ANKRD42: variants seen among roughly 807,000 people sequenced by gnomAD.
ANKRD42 encodes ankyrin repeat domain 42.
In ANKRD42, 43 loss-of-function variants were observed where a neutral mutation model predicts 51.5. The observed-to-expected ratio is 0.83, with a 90% CI of 0.65 to 1.08. ANKRD42 has a LOEUF of 1.08. Ranked by LOEUF, ANKRD42 falls within the 50% of genes least tolerant of loss-of-function variation. The probability of loss-of-function intolerance (pLI) is 0.00; values close to 1 mark genes in which losing one functional copy is unlikely to be tolerated. For missense variants in ANKRD42, 608 were observed against 629.3 expected, an observed-to-expected ratio of 0.97 and a Z score of 0.36; for synonymous variants, 203 against 213.0, an observed-to-expected ratio of 0.95 and a Z score of 0.41.
intron 5 of ANKRD42, 31 bp downstream of exon 5, chr11:83,211,461 T>A: frequency 2.5e-6 from 4 of 1,605,142 alleles, no homozygotes; most frequent in Non-Finnish European, 3.4e-6. Context: ...ATTTTAGTTT[T>A]TCATTGATGT....
chr11:83,227,757 T>A lies in ANKRD42; in HGVS notation c.798T>A (p.Phe266Leu). ...KDLEDQETLA[F>L]PGHVAAFKGD... ...TTTTTTTATTCATAGCTTTAGCATT[T>A]CCAGGTCATGTGGCTGCCTTTAAGG... The change falls in exon 7 of 11, where the codon TTT (phenylalanine) becomes TTA (leucine). Residue 266 changes from phenylalanine (F) to leucine (L), a missense_variant. Transcript: ENST00000533342. The A allele has an allele frequency of 6.2e-7, 1 of 1,609,298 alleles. No homozygotes were observed. The highest frequency in any genetic ancestry group is 1.1e-5 in the South Asian group (1 of 89,870).
chr11:83,226,792 C>T (rs1458268692), intron 6 of ANKRD42, among the ~76,000 whole-genome samples: 1 of 115,806 alleles, frequency 8.6e-6, no homozygotes, highest in Non-Finnish European at 1.8e-5. Flanking sequence ...AAAGTGAGAC[C>T]CTGCCTCTAA....
At chr11:83,254,142 A>AT (rs1477629138) in intron 11 of ANKRD42, among the ~76,000 whole-genome samples, 4 of 151,338 alleles carry the variant, frequency 2.6e-5, no homozygotes, top group South Asian at 2.1e-4. Flanking sequence ...GCCCAGCTAA[A>AT]TTTTTTTGTA....
chr11:83,247,916 AT>A, intron 10 of ANKRD42, 26 bp from the exon 11 acceptor site: 2 of 1,569,054 alleles, frequency 1.3e-6, no homozygotes, highest in South Asian at 2.4e-5. Context: ...TTGATGATTG[AT>A]TTTTAAAAAA....
At chr11:83,236,357 TA>T in intron 7 of ANKRD42, 46 bp from the exon 8 acceptor site, 1 of 1,512,490 alleles carries the variant, frequency 6.6e-7, no homozygotes, top group South Asian at 1.3e-5. Context: ...TACTAATAAC[TA>T]ACTTTTTTGT....
At chr11:83,200,105 T>C (rs1231015485) in intron 2 of ANKRD42, among the ~76,000 whole-genome samples, 4 of 152,052 alleles carry the variant, frequency 2.6e-5, no homozygotes, top group Non-Finnish European at 5.9e-5. Context: ...TTTGGGTGAT[T>C]TTGGAGAGAA....
chr11:83,213,638 G>C, intron 5 of ANKRD42: 1 of 899,294 alleles, frequency 1.1e-6, no homozygotes, highest in Non-Finnish European at 1.4e-6. Flanking sequence ...TAAAGATGTT[G>C]AACATCATTT....
At chr11:83,229,742 A>T (rs147155116) in intron 7 of ANKRD42, among the ~76,000 whole-genome samples, 626 of 152,310 alleles carry the variant, frequency 4.1e-3, no homozygotes, top group African/African-American at 0.014. Context: ...GAGTCCATCC[A>T]TCAAGGACTC....
intron 2 of ANKRD42, 142 bp from the exon 3 acceptor site, chr11:83,205,916 A>G (rs1049030318): frequency 1.1e-5 from 7 of 649,280 alleles, no homozygotes; most frequent in Non-Finnish European, 1.8e-5. Context: ...TTGCCATGTC[A>G]CTGTGCTTGT....
In ANKRD42 at chr11:83,210,265, C is replaced by T. The variant is rs189777934; in HGVS notation, c.331-35C>T. The T allele has an allele frequency of 3.0e-3, 4,857 of 1,598,854 alleles. 8 individuals are homozygous for T. The highest frequency in any genetic ancestry group is 3.8e-3 in the Non-Finnish European group (4,403 of 1,167,188). On this transcript the variant is annotated intron_variant, in intron 3 of 10. Transcript: ENST00000533342. ...CTGCATTTATGGTTTAACATCTATACTCATGTAAAGTCTTTCCTATTTCTC... is the reference window on the plus strand; with the variant it reads ...CTGCATTTATGGTTTAACATCTATATTCATGTAAAGTCTTTCCTATTTCTC...
intron 8 of ANKRD42, among the ~76,000 whole-genome samples, chr11:83,237,210 T>G (rs1462867847): frequency 6.6e-6 from 1 of 152,216 alleles, no homozygotes. Flanking sequence ...AATAAAATTC[T>G]TATTAATTCT....
chr11:83,203,019 A>G (rs1861931409), intron 2 of ANKRD42, among the ~76,000 whole-genome samples: 2 of 116,896 alleles, frequency 1.7e-5, no homozygotes, highest in South Asian at 3.0e-4. Context: ...CAGACAGGGT[A>G]TCGCTCTTGT....
intron 5 of ANKRD42, among the ~76,000 whole-genome samples, chr11:83,215,773 C>T (rs1395668180): frequency 6.6e-6 from 1 of 151,984 alleles, no homozygotes; most frequent in Non-Finnish European, 1.5e-5. Flanking sequence ...CTTTTTGTTG[C>T]TTCTATTTAC....
chr11:83,256,825 GTCTGT>G (rs1863782604), downstream of ANKRD42, among the ~76,000 whole-genome samples: 1 of 152,084 alleles, frequency 6.6e-6, no homozygotes, highest in South Asian at 2.1e-4. Flanking sequence ...CAGGTTAAGG[GTCTGT>G]AAACAAGTGT....
chr11:83,251,223 C>T (rs1349504750), downstream of ANKRD42, among the ~76,000 whole-genome samples: 2 of 152,164 alleles, frequency 1.3e-5, no homozygotes, highest in African/African-American at 4.8e-5. Context: ...GGAGCCATCT[C>T]ATTTATCACC....
chr11:83,260,579 T>G (rs1051797053), downstream of ANKRD42: 4 of 152,194 alleles, frequency 2.6e-5, no homozygotes, highest in Non-Finnish European at 5.9e-5. Flanking sequence ...GACCAATCTC[T>G]TGACTGCTCT....
intron 2 of ANKRD42, among the ~76,000 whole-genome samples, chr11:83,204,724 T>A (rs1427201552): frequency 6.6e-6 from 1 of 152,066 alleles, no homozygotes; most frequent in African/African-American, 2.4e-5. Context: ...AATGTAAAAC[T>A]TATAAAACTT....
At chr11:83,203,874 A>G (rs183574312) in intron 2 of ANKRD42, among the ~76,000 whole-genome samples, 3 of 152,330 alleles carry the variant, frequency 2.0e-5, no homozygotes, top group South Asian at 2.1e-4. Context: ...TTGAGCTCCT[A>G]GTAAACTTTT....
intron 5 of ANKRD42, chr11:83,213,481 AT>A: frequency 7.4e-7 from 1 of 1,360,424 alleles, no homozygotes; most frequent in Non-Finnish European, 9.5e-7. Context: ...ACAACAAAAA[AT>A]TATTTTGTGT....
Sources: allele counts gnomAD v4.1 joint callset (sites outside exome capture counted in the v4.1 genomes callset), GRCh38; gene constraint gnomAD v4.1.1; transcripts MANE v1.5; gene names NCBI Gene and HGNC (gene_info 2026-07-23, HGNC 2026-07-21).